FAT3: variants seen among roughly 807,000 people sequenced by gnomAD.
FAT3 encodes protocadherin Fat 3.
FAT3 carries 95 observed loss-of-function variants against 310.2 expected under a neutral mutation model. The ratio of observed to expected loss-of-function variants is 0.31; its 90% CI spans 0.26 to 0.36. FAT3 has a LOEUF of 0.36. FAT3 is among the 10% of genes least tolerant of loss of function. The pLI is 1.00. For synonymous variants in FAT3, 2,314 were observed against 2,192.9 expected (o/e 1.06, Z -1.54); for missense variants, 5,408 against 5,715.6 (o/e 0.95, Z 1.74).
chr11:92,739,322 G>A (rs1289833970), intron 4 of FAT3, among the ~76,000 whole-genome samples: 2 of 146,860 alleles, frequency 1.4e-5, no homozygotes, highest in African/African-American at 5.3e-5. Flanking sequence ...AGATTTCCAG[G>A]GAAGACTGTG....
chr11:92,818,884 A>C (rs1163985211), intron 13 of FAT3, among the ~76,000 whole-genome samples: 1 of 152,216 alleles, frequency 6.6e-6, no homozygotes. Flanking sequence ...AGAGAGCTGC[A>C]TGCACGTTTC....
In FAT3 at chr11:92,417,319, A is replaced by G. The variant is rs78446494; in HGVS notation, c.3292+61915A>G. Reference sequence around the variant, plus strand: ...TTACAGGGAATCTATTTTAAATTGTACACACTCTCAAATTCAATATAATAT... The same window carrying G: ...TTACAGGGAATCTATTTTAAATTGTGCACACTCTCAAATTCAATATAATAT... On this transcript the variant is annotated intron_variant, in intron 2 of 27. Transcript: ENST00000525166. Among the ~76,000 whole-genome samples, 30 of 152,320 alleles carry G rather than the reference A, an allele frequency of 2.0e-4. No homozygotes were observed. In the East Asian group the frequency reaches 4.4e-3, roughly 23 times the overall value.
chr11:92,597,527 C>G (rs1443799723), intron 3 of FAT3, among the ~76,000 whole-genome samples: 3 of 152,186 alleles, frequency 2.0e-5, no homozygotes, highest in Admixed American at 2.0e-4. Flanking sequence ...GACCATTTCT[C>G]AGGCAGCTCT....
intron 3 of FAT3, among the ~76,000 whole-genome samples, chr11:92,649,221 T>C (rs986515472): frequency 1.4e-4 from 22 of 152,096 alleles, no homozygotes; most frequent in Non-Finnish European, 1.5e-5. Flanking sequence ...TTGTGTAGAG[T>C]TATGAATCTT....
chr11:92,792,682 A>C (rs1947068104), intron 8 of FAT3, 85 bp from the exon 9 acceptor site: 1 of 1,353,298 alleles, frequency 7.4e-7, no homozygotes, highest in Non-Finnish European at 1.0e-6. Flanking sequence ...GCATTATTTC[A>C]TTTTGTTTTC....
In FAT3 at chr11:92,798,304, A is replaced by G. The variant is rs1430373763; in HGVS notation, c.5291A>G (p.Asp1764Gly). 6.2e-7 allele frequency: 1 copy of G among 1,613,868 alleles called. No homozygotes were observed. Among genetic ancestry groups the G allele is most frequent in the Non-Finnish European group, 8.5e-7 (1 of 1,179,844 alleles). ...AATATTCAGATTGTTGATGAAAATG[A>G]TAATGCCCCAGTTTTTCTCTTTTCT... ...TVNIQIVDEN[D>G]NAPVFLFSQY... Residue 1764 changes from aspartate (D) to glycine (G), a missense_variant, in exon 10 of 28, where the codon GAT becomes GGT. This residue lies in a region of FAT3 where 4,588 missense variants were observed against 4,809.8 expected (regional missense o/e 0.95). Transcript: ENST00000525166.
At chr11:92,870,132 G>A (rs1218598239) in intron 22 of FAT3, among the ~76,000 whole-genome samples, 1 of 152,164 alleles carries the variant, frequency 6.6e-6, no homozygotes, top group Non-Finnish European at 1.5e-5. Flanking sequence ...TCTCCTGGCG[G>A]CAGACTCCAC....
chr11:92,735,327 C>A (rs1019727819), intron 4 of FAT3, among the ~76,000 whole-genome samples: 3 of 152,218 alleles, frequency 2.0e-5, no homozygotes, highest in Admixed American at 2.0e-4. Flanking sequence ...ACATAAGGGT[C>A]TTTCCTGGAA....
chr11:92,883,053 C>T lies in FAT3; in HGVS notation c.12597C>T (p.Ala4199=), dbSNP rs750160076. 6.2e-7 allele frequency: 1 copy of T among 1,613,958 alleles called. No homozygotes were observed. Among genetic ancestry groups the T allele is most frequent in the Non-Finnish European group, 8.5e-7 (1 of 1,179,910 alleles). The change falls in exon 24 of 28, where the codon GCC becomes GCT. Residue 4199 remains alanine, a synonymous_variant. Coordinates refer to ENST00000525166, the MANE Select transcript of FAT3 (RefSeq NM_001367949.2). The surrounding 1 kb of genome is among the most constrained non-coding windows in gnomAD (Gnocchi z 4.2). ...TAGTGCAGGACCCGGCCACCGCCGC[C>T]CTGCTTAACAAGAGCAATGGCATCC... ...ITLVQDPATA[A]LLNKSNGIPF...
chr11:92,640,512 A>G (rs1303730460), intron 3 of FAT3, among the ~76,000 whole-genome samples: 2 of 152,192 alleles, frequency 1.3e-5, no homozygotes, highest in African/African-American at 4.8e-5. Flanking sequence ...TTATTAATAG[A>G]ACAGGTTAGA....
At chr11:92,322,195 T>C (rs1348776531) in intron 1 of FAT3, among the ~76,000 whole-genome samples, 1 of 152,192 alleles carries the variant, frequency 6.6e-6, no homozygotes, top group African/African-American at 2.4e-5. Flanking sequence ...AAGCAAATCA[T>C]GCAAAATTTT....
chr11:92,499,723 A>ATGTG (rs61267708), intron 2 of FAT3, among the ~76,000 whole-genome samples: 161 of 127,824 alleles, frequency 1.3e-3, no homozygotes, highest in Non-Finnish European at 1.9e-3. Flanking sequence ...ATGTGTGTGT[A>ATGTG]TGTGTGTGTG....
intron 4 of FAT3, among the ~76,000 whole-genome samples, chr11:92,721,837 G>T (rs1944868542): frequency 6.6e-6 from 1 of 152,108 alleles, no homozygotes; most frequent in South Asian, 2.1e-4. Context: ...AGAGAAGTGA[G>T]CTTGTGCAGG....
intron 2 of FAT3, among the ~76,000 whole-genome samples, chr11:92,412,713 A>G (rs1286172689): frequency 4.8e-5 from 1 of 20,758 alleles, no homozygotes; most frequent in Non-Finnish European, 1.4e-4. Context: ...ATATATATAT[A>G]TATATATATA....
At chr11:92,569,981 C>A (rs1007558828) in intron 3 of FAT3, among the ~76,000 whole-genome samples, 2 of 152,088 alleles carry the variant, frequency 1.3e-5, no homozygotes, top group East Asian at 1.9e-4. Context: ...TTTGTCTGAC[C>A]GTATGTATTC....
At chr11:92,476,587 G>A (rs2135173083) in intron 2 of FAT3, among the ~76,000 whole-genome samples, 1 of 152,314 alleles carries the variant, frequency 6.6e-6, no homozygotes, top group East Asian at 1.9e-4. Context: ...GTACTTGGGG[G>A]TGAATGGAAG....
Position 92,352,768 on chromosome 11 carries a change from T to C in FAT3, c.656T>C (p.Leu219Ser). 1 of 1,613,890 alleles carries C rather than the reference T, an allele frequency of 6.2e-7. No homozygotes were observed. Among genetic ancestry groups the C allele is most frequent in the East Asian group, 2.2e-5 (1 of 44,878 alleles). The change falls in exon 2 of 28, where the codon TTA becomes TCA. Residue 219 changes from leucine (L) to serine (S), a missense_variant. Physicochemically the swap from Leu to Ser is moderately radical, Grantham distance 145. Coordinates refer to ENST00000525166, the MANE Select transcript of FAT3 (RefSeq NM_001367949.2). The part of the protein sequence containing the change: ...TSGVISLSGR[L>S]NYDEKNRYDL... Reference sequence around the variant, plus strand: ...GGTGTCATCTCCTTAAGTGGTCGATTAAATTATGATGAAAAGAATAGGTAT... The same window carrying C: ...GGTGTCATCTCCTTAAGTGGTCGATCAAATTATGATGAAAAGAATAGGTAT...
At chr11:92,574,030 AAC>A (rs5793609) in intron 3 of FAT3, among the ~76,000 whole-genome samples, 112,599 of 151,856 alleles carry the variant, frequency 0.74, 44,011 homozygotes, top group Non-Finnish European at 0.88. Context: ...TAAAAGAGCA[AAC>A]ACATATTTTG....
chr11:92,857,305 G>A lies in FAT3; in HGVS notation c.11457G>A (p.Pro3819=), dbSNP rs370501974. The A allele has an allele frequency of 1.5e-5, 25 of 1,613,842 alleles. No individual in the cohort carries two copies. The highest frequency in any genetic ancestry group is 3.3e-5 in the Admixed American group (2 of 60,004). The change falls in exon 20 of 28, where the codon CCG becomes CCA. Residue 3819 remains proline (P), a synonymous_variant. Transcript: ENST00000525166. The stretch of plus-strand genomic sequence containing the variant: ...TCAGTTATGAAGCCAGCAGGAGACC[G>A]TTCCTCTGCCAGTGTCCACCAGGGA... ...QCVSYEASRR[P]FLCQCPPGKL...
Sources: allele counts gnomAD v4.1 joint callset (sites outside exome capture counted in the v4.1 genomes callset), GRCh38; gene constraint gnomAD v4.1.1; regional missense constraint gnomAD v4.1.1; non-coding constraint Gnocchi (gnomAD v3.1); transcripts MANE v1.5; gene names NCBI Gene and HGNC (gene_info 2026-07-23, HGNC 2026-07-21).